Variants in PDE1A observed in about 807,000 individuals in gnomAD.
The protein encoded by PDE1A is dual specificity calcium/calmodulin-dependent 3',5'-cyclic nucleotide phosphodiesterase 1A.
Under a neutral mutation model 61.7 loss-of-function variants are expected in PDE1A, and 35 were observed. The ratio of observed to expected loss-of-function variants is 0.57; its 90% CI spans 0.43 to 0.75. PDE1A has a LOEUF of 0.75. PDE1A is among the 30% of genes least tolerant of loss of function. The pLI is 0.00. For synonymous variants in PDE1A, 232 were observed against 213.2 expected (o/e 1.09, Z -0.77); for missense variants, 597 against 630.6 (o/e 0.95, Z 0.57).
At chr2:182,701,473 C>A in the PDE1A span, among the ~76,000 whole-genome samples, 1 of 148,014 alleles carries the variant, frequency 6.8e-6, no homozygotes, top group East Asian at 2.0e-4. Flanking sequence ...TTGCACCTCC[C>A]GGGTTCAAGT....
exon 1 of PDE1A, chr2:182,522,682 T>A: frequency 9.1e-7 from 1 of 1,104,362 alleles, no homozygotes; most frequent in Non-Finnish European, 1.1e-6. Flanking sequence ...GTACTCAAGC[T>A]CTCCCCAAAA....
chr2:182,212,664 C>T (rs1488170548), intron 7 of PDE1A, among the ~76,000 whole-genome samples: 7 of 152,192 alleles, frequency 4.6e-5, no homozygotes, highest in Admixed American at 2.6e-4. Context: ...TGGACGGCAC[C>T]TGGAAAATTG....
At chr2:182,481,496 A>G (rs1048881167) in intron 2 of PDE1A, among the ~76,000 whole-genome samples, 5 of 151,940 alleles carry the variant, frequency 3.3e-5, no homozygotes, top group East Asian at 3.9e-4. Context: ...TTTCATTCTA[A>G]CTACAGAAAA....
chr2:182,222,629 C>T (rs1437489573), intron 7 of PDE1A, among the ~76,000 whole-genome samples: 1 of 151,916 alleles, frequency 6.6e-6, no homozygotes, highest in Non-Finnish European at 1.5e-5. Context: ...AACAACGAAA[C>T]TTTAAGGTAG....
At chr2:182,647,921 A>G in the PDE1A span, among the ~76,000 whole-genome samples, 5 of 109,372 alleles carry the variant, frequency 4.6e-5, no homozygotes, top group Admixed American at 2.5e-4. Flanking sequence ...TTACTGAGGA[A>G]AAAAAAAGGC....
downstream of PDE1A, among the ~76,000 whole-genome samples, chr2:182,165,966 T>G (rs577784620): frequency 6.6e-6 from 1 of 152,160 alleles, no homozygotes; most frequent in Non-Finnish European, 1.5e-5. Context: ...ACCACACTCA[T>G]GAACTTTATC....
intron 13 of PDE1A, among the ~76,000 whole-genome samples, chr2:182,173,016 A>T (rs976815792): frequency 1.3e-5 from 2 of 152,018 alleles, no homozygotes; most frequent in Admixed American, 1.3e-4. Context: ...GAACTATCCC[A>T]TCCCTAGGTG....
intron 7 of PDE1A, among the ~76,000 whole-genome samples, chr2:182,211,048 C>A (rs1432606456): frequency 6.6e-6 from 1 of 152,134 alleles, no homozygotes; most frequent in East Asian, 1.9e-4. Flanking sequence ...AGAGAGCAAA[C>A]CCTCTCTGGC....
the PDE1A span, among the ~76,000 whole-genome samples, chr2:182,710,207 T>C: frequency 2.6e-5 from 4 of 152,338 alleles, no homozygotes; most frequent in Non-Finnish European, 5.9e-5. Context: ...TATTACCTTC[T>C]ACATTTTTTA....
intron 10 of PDE1A, among the ~76,000 whole-genome samples, chr2:182,198,125 GT>G (rs1224438084): frequency 3.3e-5 from 5 of 151,756 alleles, no homozygotes; most frequent in African/African-American, 9.6e-5. Context: ...TTAATTAAAG[GT>G]TTCCCCCAAA....
chr2:182,382,909 A>G (rs1006159521), intron 1 of PDE1A, among the ~76,000 whole-genome samples: 4 of 152,242 alleles, frequency 2.6e-5, no homozygotes, highest in African/African-American at 9.6e-5. Flanking sequence ...CATGTATGGA[A>G]AACATATTTA....
chr2:182,213,677 G>T (rs1000038896), intron 7 of PDE1A, among the ~76,000 whole-genome samples: 1 of 84,640 alleles, frequency 1.2e-5, no homozygotes, highest in African/African-American at 4.4e-5. Context: ...AGCGATGGAA[G>T]ATGAAATGAA....
chr2:182,673,984 A>T, the PDE1A span, among the ~76,000 whole-genome samples: 1 of 125,818 alleles, frequency 7.9e-6, no homozygotes, highest in African/African-American at 3.0e-5. Flanking sequence ...TAGGTAATAT[A>T]ACTTCATATA....
intron 1 of PDE1A, among the ~76,000 whole-genome samples, chr2:182,328,761 T>G (rs953058459): frequency 4.6e-5 from 7 of 152,204 alleles, no homozygotes; most frequent in Non-Finnish European, 7.4e-5. Flanking sequence ...GGAACCACCA[T>G]GAAATACTTC....
intron 7 of PDE1A, among the ~76,000 whole-genome samples, chr2:182,208,390 C>T (rs1687293844): frequency 6.6e-6 from 1 of 152,096 alleles, no homozygotes; most frequent in African/African-American, 2.4e-5. Flanking sequence ...ACTTTTAAAC[C>T]ATCAGATCTC....
At chr2:182,221,395 G>A (rs1688715341) in intron 7 of PDE1A, among the ~76,000 whole-genome samples, 1 of 152,076 alleles carries the variant, frequency 6.6e-6, no homozygotes, top group South Asian at 2.1e-4. Context: ...CCTCCACATC[G>A]TGGATCCAGT....
intron 13 of PDE1A, among the ~76,000 whole-genome samples, chr2:182,179,057 T>G (rs1228365377): frequency 6.6e-6 from 1 of 152,184 alleles, no homozygotes; most frequent in Non-Finnish European, 1.5e-5. Context: ...TTGACCAGGC[T>G]TACTCTGATT....
At chr2:182,199,005 G>A (rs2125458051) in intron 10 of PDE1A, among the ~76,000 whole-genome samples, 1 of 152,022 alleles carries the variant, frequency 6.6e-6, no homozygotes, top group South Asian at 2.1e-4. Context: ...AAGAGTTAAA[G>A]TACAAATTCA....
chr2:182,284,800 A>G (rs1197110881), intron 1 of PDE1A, among the ~76,000 whole-genome samples: 2 of 152,156 alleles, frequency 1.3e-5, no homozygotes, highest in African/African-American at 2.4e-5. Context: ...AAATAAAACA[A>G]TAATAACTAA....
Sources: gnomAD v4.1 joint callset for allele counts (sites outside exome capture counted in the v4.1 genomes callset) on GRCh38, gnomAD v4.1.1 for gene constraint, MANE v1.5 for transcripts, NCBI Gene and HGNC (gene_info 2026-07-23, HGNC 2026-07-21) for gene names.